The following NEGR1 variants were observed in gnomAD, a reference collection of about 807,000 sequenced individuals.
The protein encoded by NEGR1 is neuronal growth regulator 1.
Under a neutral mutation model 40.9 loss-of-function variants are expected in NEGR1, and 10 were observed. The ratio of observed to expected loss-of-function variants is 0.24; its 90% CI spans 0.15 to 0.42. NEGR1 has a LOEUF of 0.42. Among genes scored for constraint, NEGR1 ranks in the 10% least tolerant of loss-of-function variants. NEGR1 has a pLI of 1.00. For synonymous variants in NEGR1, 185 were observed against 166.8 expected, an observed-to-expected ratio of 1.11 and a Z score of -0.84; for missense variants, 352 against 438.9, an observed-to-expected ratio of 0.80 and a Z score of 1.77.
At chr1:71,554,216 T>C (rs1648178667) in intron 6 of NEGR1, among the ~76,000 whole-genome samples, 1 of 151,586 alleles carries the variant, frequency 6.6e-6, no homozygotes, top group Non-Finnish European at 1.5e-5. Context: ...CATTGATTGT[T>C]TTTCTATTAT....
At chr1:72,005,772 T>C (rs1229877742) in intron 1 of NEGR1, among the ~76,000 whole-genome samples, 2 of 152,170 alleles carry the variant, frequency 1.3e-5, no homozygotes, top group Non-Finnish European at 2.9e-5. Flanking sequence ...AAGACAATCA[T>C]GTACAGATTC....
chr1:72,077,053 CCCGT>C (rs972775334), intron 1 of NEGR1, among the ~76,000 whole-genome samples: 2 of 151,738 alleles, frequency 1.3e-5, no homozygotes, highest in African/African-American at 4.8e-5. Context: ...CGCCACCATG[CCCGT>C]CTAATTTTTG....
At chr1:71,758,976 T>A (rs1444468796) in intron 3 of NEGR1, among the ~76,000 whole-genome samples, 2 of 152,204 alleles carry the variant, frequency 1.3e-5, no homozygotes, top group African/African-American at 4.8e-5. Context: ...CAACTTGTAT[T>A]CAAATTAACA....
intron 1 of NEGR1, among the ~76,000 whole-genome samples, chr1:71,965,274 G>T (rs916844376): frequency 2.0e-5 from 3 of 152,088 alleles, no homozygotes; most frequent in African/African-American, 7.2e-5. Flanking sequence ...GTGAACCAGG[G>T]AATAAAACCT....
intron 1 of NEGR1, among the ~76,000 whole-genome samples, chr1:72,200,450 G>A (rs545712461): frequency 1.2e-3 from 182 of 152,070 alleles, no homozygotes; most frequent in Non-Finnish European, 2.2e-3. Flanking sequence ...TCACTTACAG[G>A]TGGGAGCTAA....
chr1:71,829,109 T>G (rs2101787734), intron 2 of NEGR1, among the ~76,000 whole-genome samples: 1 of 152,110 alleles, frequency 6.6e-6, no homozygotes, highest in Admixed American at 6.6e-5. Context: ...TTTGTGATTT[T>G]TTAATAGTTC....
intron 6 of NEGR1, among the ~76,000 whole-genome samples, chr1:71,553,054 TA>T (rs141654679): frequency 1.3e-5 from 2 of 151,314 alleles, no homozygotes; most frequent in African/African-American, 2.4e-5. Context: ...GTAAAAATGT[TA>T]AAAAAAACCT....
chr1:72,116,070 C>A (rs1231397282), intron 1 of NEGR1, among the ~76,000 whole-genome samples: 1 of 151,672 alleles, frequency 6.6e-6, no homozygotes, highest in African/African-American at 2.4e-5. Context: ...AAGGAGATCA[C>A]CCTAGACAGC....
At chr1:71,760,713 C>T (rs1308562605) in intron 3 of NEGR1, among the ~76,000 whole-genome samples, 3 of 151,966 alleles carry the variant, frequency 2.0e-5, no homozygotes, top group Non-Finnish European at 2.9e-5. Flanking sequence ...TTTCTACTAA[C>T]ATCAAAGAGC....
intron 1 of NEGR1, among the ~76,000 whole-genome samples, chr1:72,186,159 T>C (rs1355848238): frequency 6.6e-6 from 1 of 151,786 alleles, no homozygotes; most frequent in Non-Finnish European, 1.5e-5. Flanking sequence ...ATATGTAACT[T>C]GGAAAATATC....
intron 4 of NEGR1, among the ~76,000 whole-genome samples, chr1:71,692,090 G>A (rs1351350941): frequency 1.3e-5 from 2 of 151,474 alleles, no homozygotes; most frequent in Admixed American, 1.3e-4. Flanking sequence ...CCTGGATAAT[G>A]AGTTTGAAAA....
At position 71,628,472 on chromosome 1, in the gene NEGR1, T is replaced by G. The variant is rs562101178; in HGVS notation, c.668-17326A>C. 4.6e-5 allele frequency among the ~76,000 whole-genome samples: 7 copies of G among 152,180 alleles called. No individual in the cohort carries two copies. The South Asian group carries it at 1.5e-3, about 32-fold the overall frequency. On this transcript the variant is annotated intron_variant, in intron 4 of 6. Coordinates refer to ENST00000357731, the MANE Select transcript of NEGR1 (RefSeq NM_173808.3). ...GATACATGTGCAGAACATGCAGGTT[T>G]GTTACATAGGTATACACGTGCCATG...
chr1:72,169,905 A>G (rs1188162639), intron 1 of NEGR1, among the ~76,000 whole-genome samples: 1 of 152,172 alleles, frequency 6.6e-6, no homozygotes, highest in African/African-American at 2.4e-5. Flanking sequence ...AATGAGTAAG[A>G]TATCGCTTGA....
intron 2 of NEGR1, among the ~76,000 whole-genome samples, chr1:71,833,149 A>G (rs1379151348): frequency 6.6e-6 from 1 of 152,102 alleles, no homozygotes; most frequent in South Asian, 2.1e-4. Context: ...TTTTGAGATC[A>G]TCATAAAATA....
intron 2 of NEGR1, among the ~76,000 whole-genome samples, chr1:71,799,599 A>G (rs1180930587): frequency 6.6e-6 from 1 of 152,204 alleles, no homozygotes; most frequent in Non-Finnish European, 1.5e-5. Context: ...TTCTGGTTCT[A>G]GATCCTTGAG....
At chr1:72,125,886 A>G (rs1175179716) in intron 1 of NEGR1, among the ~76,000 whole-genome samples, 1 of 152,204 alleles carries the variant, frequency 6.6e-6, no homozygotes, top group Non-Finnish European at 1.5e-5. Context: ...CTAGTGACAC[A>G]GGAAAGAACA....
At chr1:71,964,539 C>T (rs1423469317) in intron 1 of NEGR1, among the ~76,000 whole-genome samples, 1 of 152,078 alleles carries the variant, frequency 6.6e-6, no homozygotes, top group Non-Finnish European at 1.5e-5. Flanking sequence ...TAATTTCAAC[C>T]CTCAGCCATT....
At chr1:71,898,983 T>TC (rs1661064448) in intron 2 of NEGR1, among the ~76,000 whole-genome samples, 2 of 32,160 alleles carry the variant, frequency 6.2e-5, no homozygotes, top group Non-Finnish European at 2.0e-4. Flanking sequence ...ATATATAGCA[T>TC]ATATATATAT....
At chr1:71,598,878 A>C (rs1302888657) in intron 5 of NEGR1, among the ~76,000 whole-genome samples, 1 of 152,132 alleles carries the variant, frequency 6.6e-6, no homozygotes, top group Non-Finnish European at 1.5e-5. Flanking sequence ...TTTCAGCTTT[A>C]AGTTTTCATA....
Sources: allele counts gnomAD v4.1 joint callset (sites outside exome capture counted in the v4.1 genomes callset), GRCh38; gene constraint gnomAD v4.1.1; transcripts MANE v1.5; gene names NCBI Gene and HGNC (gene_info 2026-07-23, HGNC 2026-07-21).